Variants in MAP4K1 observed in about 807,000 individuals in gnomAD.
The protein encoded by MAP4K1 is MAPK/ERK kinase kinase kinase 1.
Under a neutral mutation model 122.8 loss-of-function variants are expected in MAP4K1, and 35 were observed. That is an observed-to-expected ratio of 0.29 (90% CI 0.22 to 0.38). The LOEUF (loss-of-function observed/expected upper bound fraction) is 0.38, where lower values mean the gene tolerates loss of function less well. Among genes scored for constraint, MAP4K1 ranks in the 10% least tolerant of loss-of-function variants. The pLI is 1.00. For synonymous variants in MAP4K1, 412 were observed against 421.3 expected (o/e 0.98, Z 0.27); for missense variants, 791 against 1,072.6 (o/e 0.74, Z 3.67).
At chr19:38,608,666 A>G (rs1462717072) in intron 13 of MAP4K1, among the ~76,000 whole-genome samples, 1 of 151,642 alleles carries the variant, frequency 6.6e-6, no homozygotes, top group Admixed American at 6.6e-5. Flanking sequence ...CGGGCATGGT[A>G]GTATGCGCCT....
chr19:38,594,658 G>C (rs1974816176), intron 29 of MAP4K1, among the ~76,000 whole-genome samples: 1 of 150,538 alleles, frequency 6.6e-6, no homozygotes, highest in African/African-American at 2.4e-5. Context: ...TATAAAAATG[G>C]CCAGGAGTGG....
chr19:38,608,799 CAAAAAA>C (rs1031744033), intron 13 of MAP4K1, among the ~76,000 whole-genome samples: 1 of 9,550 alleles, frequency 1.0e-4, no homozygotes, highest in Admixed American at 1.2e-3. Flanking sequence ...AACTCCGTCT[CAAAAAA>C]AAAAAAAAAA....
In MAP4K1 at chr19:38,608,828, A is replaced by AAAAAAAAAAC. The variant is rs1555811720; in HGVS notation, c.1007-659_1007-658insGTTTTTTTTT. Among the ~76,000 whole-genome samples, 163 of 137,236 alleles carry AAAAAAAAAAC rather than the reference A, an allele frequency of 1.2e-3. 7 individuals carry two copies. The highest frequency in any genetic ancestry group is 2.2e-3 in the Non-Finnish European group (135 of 61,438). 90.0% of individuals were successfully genotyped at this position (137,236 alleles called of 152,430 possible). A position where few individuals can be genotyped will look rare whatever the true frequency, so the allele number is the denominator to read the frequency against. On this transcript the variant is annotated intron_variant, in intron 13 of 30. Transcript: ENST00000396857. ...AAAAAAAAAAAAAAAAAAAAAAAAA[A>AAAAAAAAAAC]ACATTAGCCACGCGTGGTGAATAAG...
intron 29 of MAP4K1, among the ~76,000 whole-genome samples, chr19:38,594,200 A>G (rs1322248474): frequency 1.3e-5 from 2 of 152,162 alleles, no homozygotes; most frequent in Non-Finnish European, 2.9e-5. Flanking sequence ...ATCCAAGAGC[A>G]GCCAGGTGCA....
Position 38,605,651 on chromosome 19 carries a change from C to T in MAP4K1, c.1280G>A (p.Arg427Gln), listed in dbSNP as rs752846112. The T allele has an allele frequency of 6.9e-5, 110 of 1,603,234 alleles. No homozygotes were observed. The highest frequency in any genetic ancestry group is 4.7e-4 in the South Asian group (42 of 89,896). Residue 427 changes from arginine to glutamine, a missense_variant, in exon 18 of 31, where the codon CGG becomes CAG. By Grantham distance (43) the Arg-to-Gln change is conservative. Coordinates refer to ENST00000396857, the MANE Select transcript of MAP4K1 (RefSeq NM_001042600.3). The stretch of plus-strand genomic sequence containing the variant: ...GTTTGGTGGGGGCCCACTGGCACAC[C>T]GGACCAGCACCCCCGGGCTCAGCTG... ...DGQLSPGVLV[R>Q]CASGPPPNSP...
chr19:38,587,730 T>A lies in MAP4K1; in HGVS notation c.*18A>T. 4 of 1,607,442 alleles carry A rather than the reference T, an allele frequency of 2.5e-6. No homozygotes were observed. Among genetic ancestry groups the A allele is most frequent in the Non-Finnish European group, 3.4e-6 (4 of 1,174,102 alleles). On this transcript the variant is annotated 3_prime_UTR_variant, in exon 31 of 31. Transcript: ENST00000396857. ...GGGAGGGGGTGCAAGGACTAGTTCC[T>A]GACACCCCCCTAGGGACTCATTCCT...
Position 38,601,441 on chromosome 19 carries a change from C to A in MAP4K1, c.1531G>T (p.Asp511Tyr). 1 of 1,606,196 alleles carries A rather than the reference C, an allele frequency of 6.2e-7. No individual in the cohort carries two copies. ...CTCCTTGACCCTCCAGAATGCCCAC[C>A]CTTGGTGGAGGGATGTGTCCAGGCG... ...TAAWTHPSTK[D>Y]QHLLLGAEEG... Residue 511 changes from aspartate (D) to tyrosine (Y), a missense_variant and splice_region_variant, in exon 20 of 31, where the codon GAC becomes TAC. This residue lies in a region of MAP4K1 where 58 missense variants were observed against 118.7 expected (regional missense o/e 0.49). Coordinates refer to ENST00000396857, the MANE Select transcript of MAP4K1 (RefSeq NM_001042600.3).
rs1326511020 is a variant in MAP4K1, at chr19:38,597,253, G to A, written c.1837+73C>T. The A allele has an allele frequency of 5.0e-6, 8 of 1,602,040 alleles. No individual in the cohort carries two copies. The highest frequency in any genetic ancestry group is 1.7e-5 in the Admixed American group (1 of 60,004). Reference sequence around the variant, plus strand: ...TGCCTTAACTCTGTAACCTTCTCAGGTGGATGCAGTTCAAGCCCCTCCTCT... The same window carrying A: ...TGCCTTAACTCTGTAACCTTCTCAGATGGATGCAGTTCAAGCCCCTCCTCT... On this transcript the variant is annotated intron_variant, in intron 24 of 30. Transcript: ENST00000396857. The surrounding 1 kb of genome is among the most constrained non-coding windows in gnomAD (Gnocchi z 4.6).
Position 38,608,103 on chromosome 19 carries a change from G to C in MAP4K1, c.1065+9C>G. The C allele has an allele frequency of 1.3e-6, 2 of 1,544,350 alleles. No homozygotes were observed. Among genetic ancestry groups the C allele is most frequent in the African/African-American group, 1.4e-5 (1 of 72,744 alleles). ...CGGTGTGGTGGGGAGTGGGGGGACA[G>C]CATCTCACGGTGTTGGCTGGGGGTC... is the stretch of plus-strand genomic sequence containing the variant. On this transcript the variant is annotated intron_variant, in intron 14 of 30. Coordinates refer to ENST00000396857, the MANE Select transcript of MAP4K1 (RefSeq NM_001042600.3).
intron 19 of MAP4K1, among the ~76,000 whole-genome samples, chr19:38,603,240 A>G (rs949079331): frequency 4.0e-5 from 6 of 150,580 alleles, no homozygotes; most frequent in African/African-American, 1.2e-4. Context: ...ACACATATAT[A>G]TACACATGTA....
At chr19:38,605,535 C>G (rs750920777) in intron 18 of MAP4K1, 33 bp downstream of exon 18, 36 of 1,532,052 alleles carry the variant, frequency 2.3e-5, no homozygotes, top group East Asian at 1.5e-4. Flanking sequence ...AACCCCCAAC[C>G]CTCCCGCCCT....
Position 38,605,376 on chromosome 19 carries a change from G to A in MAP4K1, c.1446+33C>T. On this transcript the variant is annotated intron_variant, in intron 19 of 30. Transcript: ENST00000396857. ...CACCAGGCATCCCCAGCCCCGTCCA[G>A]AGGTGTAAGTCCTCAGCAGAGCTGA... is the stretch of plus-strand genomic sequence containing the variant. The A allele has an allele frequency of 1.7e-6, 2 of 1,170,932 alleles. 1 individual carries two copies. The highest frequency in any genetic ancestry group is 2.4e-6 in the Non-Finnish European group (2 of 826,450). The allele number at this position is 1,170,932 out of a possible 1,614,324, so 72.5% of individuals were successfully genotyped here.
intron 22 of MAP4K1, among the ~76,000 whole-genome samples, chr19:38,598,674 G>C (rs575402057): frequency 2.0e-5 from 3 of 152,196 alleles, no homozygotes; most frequent in Admixed American, 2.0e-4. Flanking sequence ...TCTTAGTAAA[G>C]TATGGAATAA....
rs1422825177 is a variant in MAP4K1 at position 38,617,175 on chromosome 19, GC to G, written c.248+178del. On this transcript the variant is annotated intron_variant, in intron 3 of 30. Coordinates refer to ENST00000396857, the MANE Select transcript of MAP4K1 (RefSeq NM_001042600.3). This position sits in a 1 kb window ranked among gnomAD's most constrained non-coding sequence, Gnocchi z 4.1. Reference sequence around the variant, plus strand: ...GCAGAGAATTGCTTGAACCCAGGAGGCAGAGGTTGCAGTGAGCTGAGATCAT... The same window carrying G: ...GCAGAGAATTGCTTGAACCCAGGAGGAGAGGTTGCAGTGAGCTGAGATCAT... 6.6e-6 allele frequency among the ~76,000 whole-genome samples: 1 copy of G among 151,972 alleles called. No individual in the cohort carries two copies. Among genetic ancestry groups the G allele is most frequent in the East Asian group, 1.9e-4 (1 of 5,182 alleles).
intron 19 of MAP4K1, among the ~76,000 whole-genome samples, chr19:38,605,046 CACTGT>C (rs1975281979): frequency 6.6e-6 from 1 of 150,452 alleles, no homozygotes; most frequent in South Asian, 2.1e-4. Context: ...AAGATCGCGC[CACTGT>C]ACTCTAGCCT....
At chr19:38,591,722 G>T (rs1289508693) in intron 30 of MAP4K1, among the ~76,000 whole-genome samples, 1 of 151,352 alleles carries the variant, frequency 6.6e-6, no homozygotes, top group Non-Finnish European at 1.5e-5. Context: ...TGTAGTCCCA[G>T]CACTTTGGGA....
chr19:38,611,071 T>C lies in MAP4K1; in HGVS notation c.790A>G (p.Ser264Gly). 1.2e-6 allele frequency: 2 copies of C among 1,612,936 alleles called. No homozygotes were observed. The highest frequency in any genetic ancestry group is 3.3e-5 in the Admixed American group (2 of 59,830). Residue 264 changes from serine to glycine, a missense_variant, in exon 11 of 31, where the codon AGC becomes GGC. Coordinates refer to ENST00000396857, the MANE Select transcript of MAP4K1 (RefSeq NM_001042600.3). ...GTTACACTGAGCATCTTGGTGGCGC[T>C]GGGTCGTTTCTTGGGACTCTTAGTC... ...TLTKSPKKRPSATKMLSHQLV... is the reference protein window; with the variant it reads ...TLTKSPKKRPGATKMLSHQLV...
Position 38,602,980 on chromosome 19 carries a change from GCATATACATATATA to G in MAP4K1, c.1447-1469_1447-1456del, listed in dbSNP as rs1402433508. ...CACATATACACATGCACATATATAC[GCATATACATATATA>G]CATATACATATATACACACATATAC... On this transcript the variant is annotated intron_variant, in intron 19 of 30. Coordinates refer to ENST00000396857, the MANE Select transcript of MAP4K1 (RefSeq NM_001042600.3). Among the ~76,000 whole-genome samples the G allele has an allele frequency of 4.6e-4, 48 of 103,596 alleles. 3 individuals are homozygous for G. The highest frequency in any genetic ancestry group is 7.6e-4 in the Admixed American group (7 of 9,250). The allele number at this position is 103,596 out of a possible 152,430, so 68.0% of individuals were successfully genotyped here.
At chr19:38,609,040 C>T (rs1975418481) in intron 13 of MAP4K1, among the ~76,000 whole-genome samples, 1 of 152,030 alleles carries the variant, frequency 6.6e-6, no homozygotes, top group Non-Finnish European at 1.5e-5. Context: ...AATGTAGTTA[C>T]AGGGTGTTTT....
Sources: gnomAD v4.1 joint callset for allele counts (sites outside exome capture counted in the v4.1 genomes callset) on GRCh38, gnomAD v4.1.1 for gene constraint, gnomAD v4.1.1 regional missense constraint, Gnocchi (gnomAD v3.1) non-coding constraint, MANE v1.5 for transcripts, NCBI Gene and HGNC (gene_info 2026-07-23, HGNC 2026-07-21) for gene names.